ARMC3: variants seen among roughly 807,000 people sequenced by gnomAD.
The protein encoded by ARMC3 is armadillo repeat containing 3.
In ARMC3, 74 loss-of-function variants were observed where a neutral mutation model predicts 90.3. That is an observed-to-expected ratio of 0.82 (90% CI 0.68 to 0.99). The LOEUF is 0.99. ARMC3 is among the 50% of genes least tolerant of loss of function. ARMC3 has a pLI of 0.00. For missense variants in ARMC3, 958 were observed against 1,042.8 expected, an observed-to-expected ratio of 0.92 and a Z score of 1.12; for synonymous variants, 334 against 361.8, an observed-to-expected ratio of 0.92 and a Z score of 0.87.
At chr10:22,941,484 T>C (rs757172758) in intron 2 of ARMC3, among the ~76,000 whole-genome samples, 4 of 152,166 alleles carry the variant, frequency 2.6e-5, no homozygotes, top group Non-Finnish European at 4.4e-5. Flanking sequence ...TAAAGTAAGA[T>C]GAGAATGTGT....
chr10:22,970,831 G>GAA (rs1004955771), intron 8 of ARMC3, among the ~76,000 whole-genome samples: 1 of 152,218 alleles, frequency 6.6e-6, no homozygotes, highest in Non-Finnish European at 1.5e-5. Context: ...AAGAACTCAA[G>GAA]AAGGGGAGCG....
intron 2 of ARMC3, among the ~76,000 whole-genome samples, chr10:22,940,754 G>A (rs938578385): frequency 6.6e-6 from 1 of 152,176 alleles, no homozygotes; most frequent in Admixed American, 6.5e-5. Context: ...CCAAAGTGCT[G>A]GGATTACAGG....
At chr10:23,008,753 T>C (rs1317804253) in intron 15 of ARMC3, 62 bp from the exon 16 acceptor site, 1 of 1,326,634 alleles carries the variant, frequency 7.5e-7, no homozygotes, top group African/African-American at 1.5e-5. Flanking sequence ...TAAATGCAAA[T>C]GTAATGTATT....
At chr10:23,000,123 C>T (rs1057481592) in intron 11 of ARMC3, among the ~76,000 whole-genome samples, 1 of 152,076 alleles carries the variant, frequency 6.6e-6, no homozygotes, top group Non-Finnish European at 1.5e-5. Context: ...GAACGTTAAG[C>T]TGCTCAGCAA....
At chr10:22,957,432 G>A (rs1284821491) in intron 4 of ARMC3, among the ~76,000 whole-genome samples, 1 of 152,202 alleles carries the variant, frequency 6.6e-6, no homozygotes, top group African/African-American at 2.4e-5. Context: ...GGAAGGCAGT[G>A]ACTTTGAGAG....
rs762748951 is a variant in ARMC3, at chr10:22,981,615, T to C, written c.1090T>C (p.Leu364=). The change falls in exon 10 of 19, where the codon TTG becomes CTG. Residue 364 remains leucine, a synonymous_variant. Coordinates refer to ENST00000298032, the MANE Select transcript of ARMC3 (RefSeq NM_173081.5). The part of the protein sequence containing the change: ...NNQGIPQLIQ[L]LKSDNEEVRE... ...TGTAGGGATTCCACAGTTAATTCAGTTGCTAAAAAGTGACAATGAAGAGGT... is the reference window on the plus strand; with the variant it reads ...TGTAGGGATTCCACAGTTAATTCAGCTGCTAAAAAGTGACAATGAAGAGGT... The C allele has an allele frequency of 1.9e-6, 3 of 1,614,004 alleles. No individual in the cohort carries two copies. Among genetic ancestry groups the C allele is most frequent in the Non-Finnish European group, 2.5e-6 (3 of 1,179,998 alleles).
At chr10:22,930,483 C>A (rs1184760606) in intron 1 of ARMC3, among the ~76,000 whole-genome samples, 2 of 152,140 alleles carry the variant, frequency 1.3e-5, no homozygotes, top group Non-Finnish European at 2.9e-5. Flanking sequence ...ATGGGCGATG[C>A]AGGCACATTT....
intron 10 of ARMC3, among the ~76,000 whole-genome samples, chr10:22,988,441 TAGAA>T (rs1292860351): frequency 2.6e-5 from 4 of 152,206 alleles, no homozygotes; most frequent in Admixed American, 1.3e-4. Context: ...CCAGCAGAAA[TAGAA>T]AGCACTTTTC....
chr10:23,031,795 C>G (rs1331325398), intron 17 of ARMC3, among the ~76,000 whole-genome samples: 1 of 152,080 alleles, frequency 6.6e-6, no homozygotes, highest in Non-Finnish European at 1.5e-5. Context: ...AGATATGTCC[C>G]CATGGCTCTG....
At chr10:22,931,578 A>T (rs1366327133) in intron 1 of ARMC3, among the ~76,000 whole-genome samples, 1 of 152,210 alleles carries the variant, frequency 6.6e-6, no homozygotes, top group South Asian at 2.1e-4. Flanking sequence ...GTAGGTATTT[A>T]GGATAGATCA....
chr10:23,022,290 C>A (rs1218369898), intron 16 of ARMC3, among the ~76,000 whole-genome samples: 1 of 152,150 alleles, frequency 6.6e-6, no homozygotes, highest in Admixed American at 6.5e-5. Context: ...TGATGAAAAG[C>A]AACATTTTTC....
chr10:22,998,914 G>A (rs1266509430), intron 11 of ARMC3, among the ~76,000 whole-genome samples: 2 of 152,152 alleles, frequency 1.3e-5, no homozygotes, highest in African/African-American at 4.8e-5. Context: ...TGCTGTTTTG[G>A]CATGCATACA....
rs183126477 is a variant in ARMC3 at position 23,003,109 on chromosome 10, A to T, written c.1563-137A>T. 7.8e-5 allele frequency: 49 copies of T among 629,908 alleles called. No homozygotes were observed. In the East Asian group the frequency reaches 1.4e-3, roughly 18 times the overall value. The allele number at this position is 629,908 out of a possible 1,614,324, so 39.0% of individuals were successfully genotyped here. A position where few individuals can be genotyped will look rare whatever the true frequency, so the allele number is the denominator to read the frequency against. On this transcript the variant is annotated intron_variant, in intron 12 of 18. Transcript: ENST00000298032. Reference sequence around the variant, plus strand: ...TTGTCTTCATAATTCTATCAGTATTACTTTATCTAAGAGGGTGGGGGAGGC... The same window carrying T: ...TTGTCTTCATAATTCTATCAGTATTTCTTTATCTAAGAGGGTGGGGGAGGC...
chr10:23,012,161 T>G (rs986478475), intron 16 of ARMC3, among the ~76,000 whole-genome samples: 1 of 152,224 alleles, frequency 6.6e-6, no homozygotes, highest in Non-Finnish European at 1.5e-5. Context: ...TGGGCAATCC[T>G]TCTGGGTGGG....
At chr10:22,964,215 A>T (rs1835349063) in intron 7 of ARMC3, among the ~76,000 whole-genome samples, 1 of 152,086 alleles carries the variant, frequency 6.6e-6, no homozygotes, top group African/African-American at 2.4e-5. Flanking sequence ...CTTTTTGCAA[A>T]ATCTATACAC....
At chr10:23,002,400 A>G (rs984891392) in intron 12 of ARMC3, among the ~76,000 whole-genome samples, 1 of 152,088 alleles carries the variant, frequency 6.6e-6, no homozygotes, top group African/African-American at 2.4e-5. Flanking sequence ...AGCTGTGTCT[A>G]TCACCTCTAT....
chr10:22,948,966 G>A (rs1588829572), intron 3 of ARMC3, among the ~76,000 whole-genome samples: 4 of 152,158 alleles, frequency 2.6e-5, no homozygotes, highest in African/African-American at 9.7e-5. Flanking sequence ...GGGTAACAGT[G>A]CCTGGTGCTC....
In ARMC3 at chr10:23,038,460, T is replaced by C. The variant is rs541112111; in HGVS notation, c.*981T>C. 1.3e-5 allele frequency: 2 copies of C among 152,336 alleles called. No individual in the cohort carries two copies. Among genetic ancestry groups the C allele is most frequent in the South Asian group, 4.1e-4 (2 of 4,826 alleles). 9.4% of individuals were successfully genotyped at this position (152,336 alleles called of 1,614,324 possible). On this transcript the variant is annotated 3_prime_UTR_variant, in exon 19 of 19. Transcript: ENST00000298032. ...TTTAGAAATTAAAGCTAAGATTATT[T>C]TGTATTAATTTGTAATTTCAAATAA...
chr10:22,959,547 T>G lies in ARMC3; in HGVS notation c.510T>G (p.Ser170=), dbSNP rs985976177. Residue 170 remains serine, a synonymous_variant, in exon 6 of 19, where the codon TCT becomes TCG. Coordinates refer to ENST00000298032, the MANE Select transcript of ARMC3 (RefSeq NM_173081.5). ...CTGACCCGGATGTAAAGAAGAACTC[T>G]ATGGAATGCATTTACAACTTGGTGC... is the stretch of plus-strand genomic sequence containing the variant. ...SSPDPDVKKN[S]MECIYNLVQD... is the part of the protein sequence containing the mutation. 1.2e-6 allele frequency: 2 copies of G among 1,605,790 alleles called. No individual in the cohort carries two copies. The highest frequency in any genetic ancestry group is 2.7e-5 in the African/African-American group (2 of 74,460).
Sources: gnomAD v4.1 joint callset for allele counts (sites outside exome capture counted in the v4.1 genomes callset) on GRCh38, gnomAD v4.1.1 for gene constraint, MANE v1.5 for transcripts, NCBI Gene and HGNC (gene_info 2026-07-23, HGNC 2026-07-21) for gene names.